The following GABRB2 variants were observed in gnomAD, a reference collection of about 807,000 sequenced individuals.
GABRB2 encodes the protein gamma-aminobutyric acid type A receptor subunit beta2.
In GABRB2, 16 loss-of-function variants were observed where a neutral mutation model predicts 54.7. The observed-to-expected ratio is 0.29, with a 90% CI of 0.20 to 0.44. The LOEUF (loss-of-function observed/expected upper bound fraction) is 0.44. Ranked by LOEUF, GABRB2 falls within the 20% of genes least tolerant of loss-of-function variation. The probability of loss-of-function intolerance (pLI) is 1.00; values close to 1 mark genes in which losing one functional copy is unlikely to be tolerated. For synonymous variants in GABRB2, 244 were observed against 233.8 expected (o/e 1.04, Z -0.40); for missense variants, 355 against 644.0 (o/e 0.55, Z 4.86).
At chr5:161,497,530 A>ATGTGTGTGTGTGTGTG (rs71587162) in intron 3 of GABRB2, among the ~76,000 whole-genome samples, 2 of 147,396 alleles carry the variant, frequency 1.4e-5, no homozygotes, top group South Asian at 2.2e-4. Flanking sequence ...GTGTGTGTAT[A>ATGTGTGTGTGTGTGTG]TGTGTGTGTG....
At chr5:161,410,597 G>A (rs1414360973) in intron 5 of GABRB2, among the ~76,000 whole-genome samples, 1 of 152,120 alleles carries the variant, frequency 6.6e-6, no homozygotes, top group Non-Finnish European at 1.5e-5. Flanking sequence ...TTTATGAGAG[G>A]CAAAGACAGG....
At chr5:161,426,499 AT>A (rs139363822) in intron 4 of GABRB2, among the ~76,000 whole-genome samples, 1,572 of 152,252 alleles carry the variant, frequency 0.01, 26 homozygotes, top group African/African-American at 0.035. Context: ...AGGAAAAAAA[AT>A]GTACTTGACT....
chr5:161,294,038 T>C lies in GABRB2; in HGVS notation c.*43A>G. 6.8e-7 allele frequency: 1 copy of C among 1,462,696 alleles called. No homozygotes were observed. The highest frequency in any genetic ancestry group is 9.5e-7 in the Non-Finnish European group (1 of 1,054,066). 90.6% of individuals were successfully genotyped at this position (1,462,696 alleles called of 1,614,324 possible). The stretch of plus-strand genomic sequence containing the variant: ...TCCTACATCAGGCTGTACAACTGGT[T>C]TGAGGAGGAATCTAGTCCTTGCTTC... On this transcript the variant is annotated 3_prime_UTR_variant, in exon 10 of 10. Transcript: ENST00000393959.
At chr5:161,461,289 G>A (rs1758112005) in intron 3 of GABRB2, among the ~76,000 whole-genome samples, 1 of 152,122 alleles carries the variant, frequency 6.6e-6, no homozygotes, top group African/African-American at 2.4e-5. Context: ...AGTTTATCAT[G>A]AGAATTTTAA....
At chr5:161,439,694 C>G (rs1757408088) in intron 4 of GABRB2, among the ~76,000 whole-genome samples, 1 of 152,060 alleles carries the variant, frequency 6.6e-6, no homozygotes, top group African/African-American at 2.4e-5. Context: ...TATTAGTTTT[C>G]TTTTTGCTTG....
intron 5 of GABRB2, among the ~76,000 whole-genome samples, chr5:161,369,135 A>T (rs1755057939): frequency 6.6e-6 from 1 of 152,280 alleles, no homozygotes; most frequent in Non-Finnish European, 1.5e-5. Context: ...TTTAGATCTT[A>T]TTATTAGAAC....
intron 5 of GABRB2, among the ~76,000 whole-genome samples, chr5:161,351,724 T>G (rs1754476893): frequency 6.6e-6 from 1 of 152,056 alleles, no homozygotes; most frequent in African/African-American, 2.4e-5. Flanking sequence ...ATTAAAAGGC[T>G]TCTGCACAGC....
chr5:161,417,070 C>T (rs1448539329), intron 4 of GABRB2, among the ~76,000 whole-genome samples: 3 of 152,238 alleles, frequency 2.0e-5, no homozygotes, highest in South Asian at 2.1e-4. Context: ...TTTCCTCCAA[C>T]GTCACTTCAA....
At chr5:161,495,988 T>G (rs184947756) in intron 3 of GABRB2, among the ~76,000 whole-genome samples, 2 of 152,270 alleles carry the variant, frequency 1.3e-5, no homozygotes, top group Non-Finnish European at 2.9e-5. Flanking sequence ...GTCAGGAATG[T>G]TGCTATAACC....
chr5:161,459,581 T>C, intron 4 of GABRB2, 43 bp downstream of exon 4: 1 of 1,489,864 alleles, frequency 6.7e-7, no homozygotes, highest in South Asian at 1.1e-5. Context: ...TTAACAGCTA[T>C]TTTGTTCAGG....
At chr5:161,397,369 G>A (rs112249267) in intron 5 of GABRB2, among the ~76,000 whole-genome samples, 2 of 152,006 alleles carry the variant, frequency 1.3e-5, no homozygotes, top group Admixed American at 1.3e-4. Context: ...TTACCATTTG[G>A]CAGTACATTT....
At chr5:161,485,172 C>T (rs1348843192) in intron 3 of GABRB2, among the ~76,000 whole-genome samples, 1 of 151,952 alleles carries the variant, frequency 6.6e-6, no homozygotes, top group Non-Finnish European at 1.5e-5. Flanking sequence ...ACCTTCACTG[C>T]CATCCTCTAC....
At chr5:161,451,480 C>T (rs1757785447) in intron 4 of GABRB2, among the ~76,000 whole-genome samples, 1 of 152,104 alleles carries the variant, frequency 6.6e-6, no homozygotes, top group African/African-American at 2.4e-5. Flanking sequence ...ATTTCTTCAA[C>T]TAATGAGACT....
At chr5:161,455,889 C>G (rs539296028) in intron 4 of GABRB2, among the ~76,000 whole-genome samples, 1 of 152,230 alleles carries the variant, frequency 6.6e-6, no homozygotes, top group African/African-American at 2.4e-5. Context: ...CACTTACATA[C>G]CTACCGTTAA....
chr5:161,381,175 C>A (rs940432906), intron 5 of GABRB2, among the ~76,000 whole-genome samples: 2 of 152,102 alleles, frequency 1.3e-5, no homozygotes, highest in Non-Finnish European at 2.9e-5. Context: ...GCTTGAGTGA[C>A]CATGGGTAAG....
At chr5:161,498,707 C>A (rs553679430) in intron 3 of GABRB2, among the ~76,000 whole-genome samples, 1 of 152,072 alleles carries the variant, frequency 6.6e-6, no homozygotes, top group East Asian at 1.9e-4. Flanking sequence ...AGGCTCTGTG[C>A]CAAAGGGTGG....
intron 4 of GABRB2, among the ~76,000 whole-genome samples, chr5:161,442,296 G>T (rs936529114): frequency 2.6e-5 from 4 of 152,074 alleles, no homozygotes; most frequent in African/African-American, 7.2e-5. Context: ...ATAAGCATAT[G>T]AATGAATGAA....
At chr5:161,496,699 A>G (rs1413027580) in intron 3 of GABRB2, among the ~76,000 whole-genome samples, 1 of 152,258 alleles carries the variant, frequency 6.6e-6, no homozygotes, top group East Asian at 1.9e-4. Flanking sequence ...TATCTTAGGT[A>G]TATTCGACAT....
At chr5:161,503,644 G>C (rs1759514304) in intron 3 of GABRB2, among the ~76,000 whole-genome samples, 1 of 150,990 alleles carries the variant, frequency 6.6e-6, no homozygotes, top group Non-Finnish European at 1.5e-5. Context: ...GGGAGGCAGA[G>C]GTTGCAGTGA....
Sources: gnomAD v4.1 joint callset for allele counts (sites outside exome capture counted in the v4.1 genomes callset) on GRCh38, gnomAD v4.1.1 for gene constraint, MANE v1.5 for transcripts, NCBI Gene and HGNC (gene_info 2026-07-23, HGNC 2026-07-21) for gene names.